Variants in NOTUM observed in about 807,000 individuals in gnomAD.
The protein encoded by NOTUM is palmitoleoyl-protein carboxylesterase NOTUM.
A neutral mutation model predicts 65.5 loss-of-function variants in NOTUM; 36 were observed. The ratio of observed to expected loss-of-function variants is 0.55; its 90% CI spans 0.42 to 0.73. The LOEUF (loss-of-function observed/expected upper bound fraction) is 0.73, where lower values mean the gene tolerates loss of function less well. NOTUM is among the 30% of genes least tolerant of loss of function. NOTUM has a pLI of 0.00. For synonymous variants in NOTUM, 356 were observed against 297.9 expected (o/e 1.20, Z -2.01); for missense variants, 659 against 694.2 (o/e 0.95, Z 0.57).
At chr17:81,957,163 G>T (rs568695867) in intron 6 of NOTUM, 89 bp from the exon 7 acceptor site, 9 of 1,064,924 alleles carry the variant, frequency 8.5e-6, no homozygotes, top group African/African-American at 1.6e-5. Context: ...GTGCCCCGAG[G>T]GGGGCAGGAG....
rs551948899 is a variant in NOTUM at position 81,952,641 on chromosome 17, G to A, written c.*320C>T. On this transcript the variant is annotated 3_prime_UTR_variant, in exon 11 of 11. Transcript: ENST00000409678. ...TCACTTTATAAAATAATATAAAAGG[G>A]CTTGATGGGTGGGGCCGGTGGGTGC... 5.0e-5 allele frequency: 19 copies of A among 380,010 alleles called. No homozygotes were observed. Among genetic ancestry groups the A allele is most frequent in the Non-Finnish European group, 8.1e-5 (17 of 209,702 alleles). The allele number at this position is 380,010 out of a possible 1,614,324, so 23.5% of individuals were successfully genotyped here.
chr17:81,954,978 C>A (rs1318778125), intron 9 of NOTUM, among the ~76,000 whole-genome samples: 1 of 151,698 alleles, frequency 6.6e-6, no homozygotes, highest in African/African-American at 2.4e-5. Context: ...CTTTCTCTCT[C>A]TCTCTATATA....
rs2041454798 is a variant in NOTUM, at chr17:81,959,081, C to T, written c.473-86G>A. The T allele has an allele frequency of 2.7e-5, 31 of 1,133,086 alleles. No individual in the cohort carries two copies. The South Asian group carries it at 3.1e-4, about 11-fold the overall frequency. 70.2% of individuals were successfully genotyped at this position (1,133,086 alleles called of 1,614,324 possible). ...GGAACCCTGGTGAGGTGTTGGGGCT[C>T]CTACTTGGCCCCAGGAAGGGAGGTG... On this transcript the variant is annotated intron_variant, in intron 3 of 10. Coordinates refer to ENST00000409678, the MANE Select transcript of NOTUM (RefSeq NM_178493.6).
intron 6 of NOTUM, 129 bp from the exon 7 acceptor site, chr17:81,957,203 T>A: frequency 1.4e-6 from 1 of 717,344 alleles, no homozygotes; most frequent in Non-Finnish European, 2.3e-6. Context: ...GCGGATGCAT[T>A]CTGCATTCTC....
intron 8 of NOTUM, among the ~76,000 whole-genome samples, chr17:81,956,049 T>G (rs1422843812): frequency 6.6e-6 from 1 of 152,242 alleles, no homozygotes; most frequent in East Asian, 1.9e-4. Flanking sequence ...GAATGTGGCT[T>G]CCTTCTTTCA....
chr17:81,955,952 C>T (rs1598367708), intron 8 of NOTUM, among the ~76,000 whole-genome samples: 1 of 151,968 alleles, frequency 6.6e-6, no homozygotes, highest in East Asian at 1.9e-4. Context: ...CAGCACCCTC[C>T]CAGGCCCCCT....
At chr17:81,958,684 G>A (rs1383967882) in intron 4 of NOTUM, among the ~76,000 whole-genome samples, 3 of 151,382 alleles carry the variant, frequency 2.0e-5, no homozygotes, top group Non-Finnish European at 3.0e-5. Context: ...CCCAGGAGAG[G>A]ACCCTGCCAG....
At position 81,953,181 on chromosome 17, in the gene NOTUM, G is replaced by A; in HGVS notation, c.1271C>T (p.Ala424Val). Reference sequence around the variant, plus strand: ...GCAGCCCTTGAGGGGGGTCTTGCTGGCCTTGTGGCTGTCATGGAGGCTCCT... The same window carrying A: ...GCAGCCCTTGAGGGGGGTCTTGCTGACCTTGTGGCTGTCATGGAGGCTCCT... ...WDRSLHDSHK[A>V]SKTPLKGCPV... The change falls in exon 11 of 11, where the codon GCC becomes GTC. Residue 424 changes from alanine (A) to valine (V), a missense_variant. Ala to Val is a moderately conservative substitution (Grantham distance 64). Coordinates refer to ENST00000409678, the MANE Select transcript of NOTUM (RefSeq NM_178493.6). 1 of 1,613,060 alleles carries A rather than the reference G, an allele frequency of 6.2e-7. No individual in the cohort carries two copies. Among genetic ancestry groups the A allele is most frequent in the Non-Finnish European group, 8.5e-7 (1 of 1,179,560 alleles).
At chr17:81,953,562 G>A (rs780185298) in intron 10 of NOTUM, among the ~76,000 whole-genome samples, 1 of 152,114 alleles carries the variant, frequency 6.6e-6, no homozygotes, top group Non-Finnish European at 1.5e-5. Flanking sequence ...CCAAAGTGCT[G>A]AGATAACAGG....
intron 10 of NOTUM, among the ~76,000 whole-genome samples, chr17:81,953,915 G>A (rs2041408093): frequency 6.6e-6 from 1 of 151,836 alleles, no homozygotes; most frequent in Admixed American, 6.6e-5. Context: ...CGGAGTAGCT[G>A]GATTACAGGC....
intron 9 of NOTUM, among the ~76,000 whole-genome samples, chr17:81,954,950 TCTCTCTCTC>T (rs1489615536): frequency 3.5e-5 from 4 of 113,202 alleles, no homozygotes; most frequent in East Asian, 4.2e-4. Flanking sequence ...TCTCTCTCTC[TCTCTCTCTC>T]CTCTCTCTCT....
chr17:81,953,583 C>A (rs1274559929), intron 10 of NOTUM, among the ~76,000 whole-genome samples: 1 of 151,992 alleles, frequency 6.6e-6, no homozygotes, highest in Admixed American at 6.6e-5. Flanking sequence ...CGTGAGCCAC[C>A]GTATCTAGCC....
At chr17:81,955,565 T>A in intron 8 of NOTUM, 21 bp from the exon 9 acceptor site, 1 of 1,603,228 alleles carries the variant, frequency 6.2e-7, no homozygotes. Flanking sequence ...CGGGGCTCAG[T>A]TCGGCCTCCC....
chr17:81,960,642 G>C lies in NOTUM; in HGVS notation c.268C>G (p.Arg90Gly), dbSNP rs1223287960. 19 of 1,564,348 alleles carry C rather than the reference G, an allele frequency of 1.2e-5. No homozygotes were observed. The highest frequency in any genetic ancestry group is 1.6e-5 in the Non-Finnish European group (18 of 1,152,406). Residue 90 changes from arginine to glycine, a missense_variant, in exon 1 of 11, where the codon CGC becomes GGC. Arg to Gly is a moderately radical substitution (Grantham distance 125). Coordinates refer to ENST00000409678, the MANE Select transcript of NOTUM (RefSeq NM_178493.6). This position sits in a 1 kb window ranked among gnomAD's most constrained non-coding sequence, Gnocchi z 6.4. Reference sequence around the variant, plus strand: ...GAGGTGTTGAGTAGGAGGTGCAGGCGCAGGTCCTCGTTGAGCTGCTGCGCG... The same window carrying C: ...GAGGTGTTGAGTAGGAGGTGCAGGCCCAGGTCCTCGTTGAGCTGCTGCGCG... Reference protein sequence around the residue: ...CSAQQLNEDLRLHLLLNTSVT... With the variant: ...CSAQQLNEDLGLHLLLNTSVT...
chr17:81,958,944 G>C lies in NOTUM; in HGVS notation c.524C>G (p.Ala175Gly). The C allele has an allele frequency of 1.2e-6, 2 of 1,612,748 alleles. No individual in the cohort carries two copies. The highest frequency in any genetic ancestry group is 1.7e-6 in the Non-Finnish European group (2 of 1,179,370). ...CCCTGTGCCCCCTTACACCATGTTT[G>C]CGTTCCACCAGTAGGGGTTCTCCTC... ...QPEENPYWWNANMVFIPYCSS... is the reference protein window; with the variant it reads ...QPEENPYWWNGNMVFIPYCSS... Residue 175 changes from alanine to glycine, a missense_variant, in exon 4 of 11, where the codon GCA becomes GGA. Coordinates refer to ENST00000409678, the MANE Select transcript of NOTUM (RefSeq NM_178493.6).
rs143017568 is a variant in NOTUM at position 81,953,058 on chromosome 17, T to C, written c.1394A>G (p.Gln465Arg). 1,219 of 1,613,972 alleles carry C rather than the reference T, an allele frequency of 7.6e-4. 1 individual carries two copies. The highest frequency in any genetic ancestry group is 1.0e-3 in the South Asian group (94 of 91,082). Residue 465 changes from glutamine (Q) to arginine (R), a missense_variant, in exon 11 of 11, where the codon CAG (glutamine) becomes CGG (arginine). By Grantham distance (43) the Gln-to-Arg change is conservative (BLOSUM62 1). Transcript: ENST00000409678. ...GTCGAAGCCCATGTGCATGAGGAAC[T>C]GGGCCACGTTCATCTCTTGCCCCGT... ...QFTGQEMNVAQFLMHMGFDMQ... is the reference protein window; with the variant it reads ...QFTGQEMNVARFLMHMGFDMQ...
rs763779313 is a variant in NOTUM at position 81,955,492 on chromosome 17, G to A, written c.1041C>T (p.Asp347=). 1.2e-6 allele frequency: 2 copies of A among 1,611,478 alleles called. No homozygotes were observed. The highest frequency in any genetic ancestry group is 2.2e-5 in the South Asian group (2 of 91,046). Residue 347 remains aspartate (D), a synonymous_variant, in exon 9 of 11, where the codon GAC becomes GAT. Transcript: ENST00000409678. ...CCGGCTGCCCCGTCAGGTGCACGTT[G>A]TCCACCGTCAGCTGTGCCTCGTCAA... ...WLFDEAQLTV[D]NVHLTGQPVQ...
chr17:81,956,616 C>T (rs778089716), intron 8 of NOTUM, 34 bp downstream of exon 8: 3 of 1,441,842 alleles, frequency 2.1e-6, no homozygotes, highest in Non-Finnish European at 2.9e-6. Flanking sequence ...GCCACCCCTG[C>T]TGCCCTGTGT....
At chr17:81,957,611 G>A (rs2041443239) in intron 6 of NOTUM, among the ~76,000 whole-genome samples, 195 bp downstream of exon 6, 1 of 152,100 alleles carries the variant, frequency 6.6e-6, no homozygotes, top group African/African-American at 2.4e-5. Context: ...CCAGCACTCT[G>A]AAGCCAGGCC....
Sources: allele counts gnomAD v4.1 joint callset (sites outside exome capture counted in the v4.1 genomes callset), GRCh38; gene constraint gnomAD v4.1.1; non-coding constraint Gnocchi (gnomAD v3.1); transcripts MANE v1.5; gene names NCBI Gene and HGNC (gene_info 2026-07-23, HGNC 2026-07-21).